The following GRIK2 variants were observed in gnomAD, a reference collection of about 807,000 sequenced individuals.
GRIK2 encodes the protein glutamate ionotropic receptor kainate type subunit 2, also known as glutamate receptor ionotropic, kainate 2.
GRIK2 carries 32 observed loss-of-function variants against 100.3 expected under a neutral mutation model. That is an observed-to-expected ratio of 0.32 (90% CI 0.24 to 0.43). The LOEUF (loss-of-function observed/expected upper bound fraction) is 0.43. Among genes scored for constraint, GRIK2 ranks in the 20% least tolerant of loss-of-function variants. The probability of loss-of-function intolerance (pLI) is 1.00; values close to 1 mark genes in which losing one functional copy is unlikely to be tolerated. For missense variants in GRIK2, 843 were observed against 1,114.9 expected (o/e 0.76, Z 3.47); for synonymous variants, 417 against 389.4 (o/e 1.07, Z -0.83).
chr6:101,537,374 A>C (rs1028069738), intron 2 of GRIK2, among the ~76,000 whole-genome samples: 1 of 151,688 alleles, frequency 6.6e-6, no homozygotes, highest in African/African-American at 2.4e-5. Flanking sequence ...AAACTAATCA[A>C]CATTTTAATA....
chr6:101,823,253 C>G (rs188869657), intron 10 of GRIK2, among the ~76,000 whole-genome samples: 83 of 152,104 alleles, frequency 5.5e-4, no homozygotes, highest in Non-Finnish European at 9.8e-4. Flanking sequence ...TGTTTTTACT[C>G]CACTTTAATA....
intron 14 of GRIK2, among the ~76,000 whole-genome samples, chr6:102,035,027 A>C (rs1466040713): frequency 1.3e-5 from 2 of 151,280 alleles, no homozygotes. Flanking sequence ...CTTCCTTATA[A>C]ATCATTTGTT....
chr6:101,827,928 A>G (rs1026167382), intron 10 of GRIK2, among the ~76,000 whole-genome samples: 3 of 151,990 alleles, frequency 2.0e-5, no homozygotes, highest in Middle Eastern at 3.2e-3. Flanking sequence ...GACCAATTGG[A>G]CCTAATAGGC....
chr6:101,626,401 G>A lies in GRIK2; in HGVS notation c.305G>A (p.Gly102Glu). The A allele has an allele frequency of 6.2e-7, 1 of 1,612,664 alleles. No individual in the cohort carries two copies. The highest frequency in any genetic ancestry group is 8.5e-7 in the Non-Finnish European group (1 of 1,179,694). Residue 102 changes from glycine to glutamate, a missense_variant, in exon 4 of 17, where the codon GGG becomes GAG. Gly to Glu is a moderately conservative substitution (Grantham distance 98). This residue lies in a region of GRIK2 where 519 missense variants were observed against 643.8 expected (regional missense o/e 0.81). Coordinates refer to ENST00000369134, the MANE Select transcript of GRIK2 (RefSeq NM_021956.5). ...SKKACDQLSL[G>E]VAAIFGPSHS... Reference sequence around the variant, plus strand: ...TCAGCCTGTGATCAGCTGTCTCTTGGGGTGGCTGCCATCTTCGGGCCTTCA... The same window carrying A: ...TCAGCCTGTGATCAGCTGTCTCTTGAGGTGGCTGCCATCTTCGGGCCTTCA...
intron 2 of GRIK2, among the ~76,000 whole-genome samples, chr6:101,436,589 A>T (rs1769730225): frequency 6.6e-6 from 1 of 152,052 alleles, no homozygotes; most frequent in African/African-American, 2.4e-5. Context: ...ATGTGGGAGC[A>T]AGAACTAGTC....
At chr6:101,702,980 C>T (rs1050121858) in intron 7 of GRIK2, among the ~76,000 whole-genome samples, 5 of 151,748 alleles carry the variant, frequency 3.3e-5, no homozygotes, top group African/African-American at 9.7e-5. Context: ...ATTTGAATTG[C>T]CTATTAGATA....
At chr6:102,046,329 G>T (rs1389533589) in intron 15 of GRIK2, among the ~76,000 whole-genome samples, 3 of 151,946 alleles carry the variant, frequency 2.0e-5, no homozygotes, top group Non-Finnish European at 2.9e-5. Context: ...ATATTGTTTT[G>T]CTCTGTCCCC....
intron 8 of GRIK2, among the ~76,000 whole-genome samples, chr6:101,801,980 G>A (rs1411421472): frequency 6.6e-6 from 1 of 151,620 alleles, no homozygotes; most frequent in Non-Finnish European, 1.5e-5. Flanking sequence ...AACTGTATTT[G>A]CCAGTGAGAT....
chr6:101,946,791 T>C (rs531509470), intron 14 of GRIK2, among the ~76,000 whole-genome samples: 2 of 152,182 alleles, frequency 1.3e-5, no homozygotes, highest in African/African-American at 4.8e-5. Flanking sequence ...CAGAGTGGTA[T>C]TGTAAACCAT....
chr6:101,877,062 G>A (rs1416759727), intron 11 of GRIK2, among the ~76,000 whole-genome samples: 1 of 151,642 alleles, frequency 6.6e-6, no homozygotes, highest in Non-Finnish European at 1.5e-5. Flanking sequence ...ACAAATTATG[G>A]GCCACTTAAG....
chr6:101,619,534 T>C (rs951432613), intron 2 of GRIK2, among the ~76,000 whole-genome samples: 1 of 151,982 alleles, frequency 6.6e-6, no homozygotes, highest in African/African-American at 2.4e-5. Flanking sequence ...TATTATAAAA[T>C]ATGATCTTTA....
At chr6:101,965,073 T>C (rs1792573329) in intron 14 of GRIK2, among the ~76,000 whole-genome samples, 1 of 152,102 alleles carries the variant, frequency 6.6e-6, no homozygotes, top group Admixed American at 6.6e-5. Flanking sequence ...CATTTGGGTG[T>C]GGTGTAGAAC....
At chr6:101,677,294 A>G (rs1023445790) in intron 5 of GRIK2, among the ~76,000 whole-genome samples, 26 of 152,162 alleles carry the variant, frequency 1.7e-4, no homozygotes, top group Non-Finnish European at 5.9e-5. Context: ...ACTGAGTCCC[A>G]AAATGAACAA....
Position 101,470,805 on chromosome 6 carries a change from A to G in GRIK2, c.115+71413A>G, listed in dbSNP as rs114969591. On this transcript the variant is annotated intron_variant, in intron 2 of 16. Transcript: ENST00000369134. ...GCTAGAAATCATCAATGCAAGAAAA[A>G]TGTAGAGAAAACAATCCATCAAATT... 6.7e-3 allele frequency among the ~76,000 whole-genome samples: 1,013 copies of G among 152,270 alleles called. 5 individuals carry two copies. The highest frequency in any genetic ancestry group is 0.023 in the African/African-American group (964 of 41,572).
At chr6:102,063,335 A>T (rs1051866155) in intron 16 of GRIK2, among the ~76,000 whole-genome samples, 1 of 150,754 alleles carries the variant, frequency 6.6e-6, no homozygotes, top group Non-Finnish European at 1.5e-5. Flanking sequence ...CTCCTTAAAA[A>T]TAAATACTAA....
At chr6:101,547,885 G>T (rs529008258) in intron 2 of GRIK2, among the ~76,000 whole-genome samples, 85 of 152,226 alleles carry the variant, frequency 5.6e-4, no homozygotes, top group African/African-American at 2.0e-3. Context: ...GATCCCTGAG[G>T]AATTGCCACA....
At chr6:101,540,502 G>A (rs1227569097) in intron 2 of GRIK2, among the ~76,000 whole-genome samples, 1 of 151,796 alleles carries the variant, frequency 6.6e-6, no homozygotes, top group Non-Finnish European at 1.5e-5. Context: ...AACATCTCAT[G>A]TACTGCATTT....
Position 101,909,723 on chromosome 6 carries a change from T to C in GRIK2, c.1749-14878T>C, listed in dbSNP as rs191224730. 3.4e-4 allele frequency among the ~76,000 whole-genome samples: 51 copies of C among 151,198 alleles called. No homozygotes were observed. The East Asian group carries it at 8.0e-3, about 24-fold the overall frequency. On this transcript the variant is annotated intron_variant, in intron 12 of 16. Transcript: ENST00000369134. ...ATGTGTGTATGTGTGTAAGTGTGTT[T>C]CTGTATATCTGTGTACATATACACA...
chr6:101,735,336 C>T lies in GRIK2; in HGVS notation c.951+48983C>T, dbSNP rs145468115. Among the ~76,000 whole-genome samples, 509 of 152,272 alleles carry T rather than the reference C, an allele frequency of 3.3e-3. 4 individuals are homozygous for T. The highest frequency in any genetic ancestry group is 0.01 in the African/African-American group (434 of 41,540). ...GCTCCTATTGTATTCAATATGTTGA[C>T]ATTTATACAATATCTCAGAAATAAC... On this transcript the variant is annotated intron_variant, in intron 7 of 16. Transcript: ENST00000369134.
Sources: allele counts gnomAD v4.1 joint callset (sites outside exome capture counted in the v4.1 genomes callset), GRCh38; gene constraint gnomAD v4.1.1; regional missense constraint gnomAD v4.1.1; transcripts MANE v1.5; gene names NCBI Gene and HGNC (gene_info 2026-07-23, HGNC 2026-07-21).